Variants in FRRS1 observed in about 807,000 individuals in gnomAD.
FRRS1 encodes ferric chelate reductase 1, also known as ferric reductase 1.
In FRRS1, 51 loss-of-function variants were observed where a neutral mutation model predicts 70.7. That is an observed-to-expected ratio of 0.72 (90% CI 0.58 to 0.91). The LOEUF is 0.91. Among genes scored for constraint, FRRS1 ranks in the 40% least tolerant of loss-of-function variants. The pLI, the probability that FRRS1 is intolerant of heterozygous loss-of-function variation, is 0.00. For synonymous variants in FRRS1, 225 were observed against 238.7 expected (o/e 0.94, Z 0.53); for missense variants, 672 against 726.0 (o/e 0.93, Z 0.86).
chr1:99,714,781 G>C (rs1459877551), intron 12 of FRRS1, among the ~76,000 whole-genome samples: 1 of 152,164 alleles, frequency 6.6e-6, no homozygotes, highest in East Asian at 1.9e-4. Flanking sequence ...CTACCATGGA[G>C]GTGGCAGTGG....
intron 1 of FRRS1, 34 bp from the exon 2 acceptor site, chr1:99,749,035 T>C (rs1227409600): frequency 3.4e-6 from 1 of 291,570 alleles, no homozygotes; most frequent in Non-Finnish European, 6.4e-6. Context: ...CTCTTTTCAA[T>C]GCTGTTTTTT....
chr1:99,719,545 A>G lies in FRRS1; in HGVS notation c.1109T>C (p.Leu370Pro), dbSNP rs779719762. Residue 370 changes from leucine (L) to proline (P), a missense_variant, in exon 10 of 17, where the codon CTG becomes CCG. Transcript: ENST00000646001. ...NIGGSHSVLL[L>P]KVHGALMFVA... ...CACATGTAACCTACCATGAACCTTC[A>G]GAAGGAGTACAGAATGGGATCCTCC... 1.3e-6 allele frequency: 2 copies of G among 1,559,312 alleles called. No individual in the cohort carries two copies. The highest frequency in any genetic ancestry group is 3.3e-5 in the Admixed American group (2 of 59,838).
chr1:99,733,620 T>C (rs547155300), intron 7 of FRRS1, among the ~76,000 whole-genome samples: 1 of 152,254 alleles, frequency 6.6e-6, no homozygotes, highest in African/African-American at 2.4e-5. Flanking sequence ...GGTAATAAAC[T>C]ACAACACAAT....
chr1:99,746,171 A>G (rs141344470), intron 4 of FRRS1, among the ~76,000 whole-genome samples: 1 of 152,314 alleles, frequency 6.6e-6, no homozygotes, highest in East Asian at 1.9e-4. Context: ...TCAACACCAA[A>G]GCCACTGAAG....
rs530145697 is a variant in FRRS1 at position 99,720,097 on chromosome 1, A to G, written c.1007-450T>C. 2.0e-5 allele frequency among the ~76,000 whole-genome samples: 3 copies of G among 152,322 alleles called. No individual in the cohort carries two copies. The East Asian group carries it at 5.8e-4, about 29-fold the overall frequency. On this transcript the variant is annotated intron_variant, in intron 9 of 16. Coordinates refer to ENST00000646001, the MANE Select transcript of FRRS1 (RefSeq NM_001361041.2). ...AAACTAACTGAAATTGGGCTGGGGG[A>G]AAGAGGATGGTTGGAAGACAAAGAA...
chr1:99,763,623 CT>C (rs1264185715), intron 1 of FRRS1, among the ~76,000 whole-genome samples: 1 of 152,106 alleles, frequency 6.6e-6, no homozygotes, highest in African/African-American at 2.4e-5. Flanking sequence ...AATCCCAGCA[CT>C]TTGGGAGGCC....
intron 7 of FRRS1, among the ~76,000 whole-genome samples, chr1:99,733,153 C>G (rs1038487234): frequency 2.0e-5 from 3 of 151,992 alleles, no homozygotes; most frequent in African/African-American, 7.3e-5. Context: ...CCAGCCAAGA[C>G]GATCTTAAAT....
rs141633543 is a variant in FRRS1, at chr1:99,707,735, A to G, written c.*1293T>C. Among the ~76,000 whole-genome samples, 204 of 152,350 alleles carry G rather than the reference A, an allele frequency of 1.3e-3. 1 individual carries two copies. The highest frequency in any genetic ancestry group is 4.5e-3 in the African/African-American group (189 of 41,564). On this transcript the variant is annotated 3_prime_UTR_variant, in exon 17 of 17. Coordinates refer to ENST00000646001, the MANE Select transcript of FRRS1 (RefSeq NM_001361041.2). ...AAGCAGTGCAGTACTTCGGTATTACAGCGCCACCCACTGGCTAGAAGTCCT... is the reference window on the plus strand; with the variant it reads ...AAGCAGTGCAGTACTTCGGTATTACGGCGCCACCCACTGGCTAGAAGTCCT...
At chr1:99,746,265 C>T (rs1480134109) in intron 4 of FRRS1, among the ~76,000 whole-genome samples, 1 of 152,126 alleles carries the variant, frequency 6.6e-6, no homozygotes, top group Non-Finnish European at 1.5e-5. Context: ...TCTTTACACA[C>T]AGTACTCGAT....
intron 9 of FRRS1, among the ~76,000 whole-genome samples, chr1:99,723,704 C>G (rs1654946086): frequency 6.6e-6 from 1 of 152,066 alleles, no homozygotes. Flanking sequence ...AATAGAGGAA[C>G]AGATACACTA....
intron 1 of FRRS1, among the ~76,000 whole-genome samples, chr1:99,763,532 T>C (rs941037763): frequency 6.6e-6 from 1 of 152,144 alleles, no homozygotes. Flanking sequence ...TCTTAGTAAA[T>C]TAAAAATGTT....
Position 99,738,126 on chromosome 1 carries a change from T to G in FRRS1, c.719A>C (p.Lys240Thr). The change falls in exon 7 of 17, where the codon AAA becomes ACA. Residue 240 changes from lysine (K) to threonine (T), a missense_variant. Lys to Thr is a moderately conservative substitution (Grantham distance 78). Coordinates refer to ENST00000646001, the MANE Select transcript of FRRS1 (RefSeq NM_001361041.2). Reference sequence around the variant, plus strand: ...AGACAATGCAAAGGATAAATAGCCTTTACTGGGGCCGCTCATTTCAACCAT... The same window carrying G: ...AGACAATGCAAAGGATAAATAGCCTGTACTGGGGCCGCTCATTTCAACCAT... ...SVMVEMSGPSKGYLSFALSHD... is the reference protein window; with the variant it reads ...SVMVEMSGPSTGYLSFALSHD... 1 of 1,613,690 alleles carries G rather than the reference T, an allele frequency of 6.2e-7. No homozygotes were observed. Among genetic ancestry groups the G allele is most frequent in the Non-Finnish European group, 8.5e-7 (1 of 1,179,678 alleles).
Position 99,706,757 on chromosome 1 carries a change from G to T in FRRS1, c.*2271C>A, listed in dbSNP as rs1654047687. ...AAAAATATAAAAATTAGCCGAGACTGGTGGTGCACACCTGTAGTCCCAGCT... is the reference window on the plus strand; with the variant it reads ...AAAAATATAAAAATTAGCCGAGACTTGTGGTGCACACCTGTAGTCCCAGCT... On this transcript the variant is annotated 3_prime_UTR_variant, in exon 17 of 17. Transcript: ENST00000646001. 6.6e-6 allele frequency among the ~76,000 whole-genome samples: 1 copy of T among 152,086 alleles called. No individual in the cohort carries two copies. Among genetic ancestry groups the T allele is most frequent in the Non-Finnish European group, 1.5e-5 (1 of 68,024 alleles).
chr1:99,742,938 A>G (rs1656047850), intron 4 of FRRS1, among the ~76,000 whole-genome samples: 1 of 152,208 alleles, frequency 6.6e-6, no homozygotes, highest in Non-Finnish European at 1.5e-5. Context: ...AGTCTTGTCC[A>G]TCACCTATCC....
At chr1:99,713,741 T>C (rs1654385122) in intron 12 of FRRS1, among the ~76,000 whole-genome samples, 1 of 152,194 alleles carries the variant, frequency 6.6e-6, no homozygotes, top group Non-Finnish European at 1.5e-5. Flanking sequence ...GTTCTGAACA[T>C]ATCAGTGGAT....
rs568801878 is a variant in FRRS1 at position 99,708,950 on chromosome 1, C to A, written c.*78G>T. ...TGAGAATTCACAAATATGCTCCAGG[C>A]AGTCAGGACAGGCTTCAAGTTTCTT... On this transcript the variant is annotated 3_prime_UTR_variant, in exon 17 of 17. Transcript: ENST00000646001. The A allele has an allele frequency of 6.2e-7, 1 of 1,613,950 alleles. No homozygotes were observed. The highest frequency in any genetic ancestry group is 1.1e-5 in the South Asian group (1 of 91,084).
intron 5 of FRRS1, among the ~76,000 whole-genome samples, chr1:99,741,867 T>C (rs1464684286): frequency 6.6e-6 from 1 of 152,228 alleles, no homozygotes; most frequent in Non-Finnish European, 1.5e-5. Context: ...GTGATAGGTA[T>C]ACACTGGTAA....
At chr1:99,727,683 G>T (rs941180311) in intron 9 of FRRS1, among the ~76,000 whole-genome samples, 1 of 151,844 alleles carries the variant, frequency 6.6e-6, no homozygotes, top group African/African-American at 2.4e-5. Context: ...CTACCTTCTC[G>T]CCATTTTCAA....
In FRRS1 at chr1:99,709,205, T is replaced by A. The variant is rs1654161023; in HGVS notation, c.1679A>T (p.Glu560Val). The A allele has an allele frequency of 6.2e-7, 1 of 1,609,814 alleles. No homozygotes were observed. The highest frequency in any genetic ancestry group is 1.1e-5 in the South Asian group (1 of 90,976). Reference sequence around the variant, plus strand: ...AACAAGAAAAGGACTTACCTCTGTTTCCACTGCAGTAAATGACTGAAGGAT... The same window carrying A: ...AACAAGAAAAGGACTTACCTCTGTTACCACTGCAGTAAATGACTGAAGGAT... ...IQILQSFTAV[E>V]TEGHAFKKAV... Residue 560 changes from glutamate (E) to valine (V), a missense_variant, in exon 16 of 17, where the codon GAA (glutamate) becomes GTA (valine). Physicochemically the swap from Glu to Val is moderately radical, Grantham distance 121. Coordinates refer to ENST00000646001, the MANE Select transcript of FRRS1 (RefSeq NM_001361041.2).
Sources: gnomAD v4.1 joint callset for allele counts (sites outside exome capture counted in the v4.1 genomes callset) on GRCh38, gnomAD v4.1.1 for gene constraint, MANE v1.5 for transcripts, NCBI Gene and HGNC (gene_info 2026-07-23, HGNC 2026-07-21) for gene names.